The following CUX1 variants were observed in gnomAD, a reference collection of about 807,000 sequenced individuals.
The protein encoded by CUX1 is cut like homeobox 1.
In CUX1, 31 loss-of-function variants were observed where a neutral mutation model predicts 158.8. The observed-to-expected ratio is 0.20, with a 90% CI of 0.15 to 0.26. CUX1 has a LOEUF of 0.26. Ranked by LOEUF, CUX1 falls within the 10% of genes least tolerant of loss-of-function variation. CUX1 has a pLI of 1.00. For synonymous variants in CUX1, 879 were observed against 862.1 expected (o/e 1.02, Z -0.34); for missense variants, 1,589 against 2,014.6 (o/e 0.79, Z 4.04).
intron 1 of CUX1, among the ~76,000 whole-genome samples, chr7:101,915,340 G>A (rs773238679): frequency 2.6e-5 from 4 of 152,212 alleles, no homozygotes; most frequent in East Asian, 1.9e-4. Flanking sequence ...GGTTTGTTGC[G>A]GGGAGCAGAG....
At chr7:101,904,520 G>C (rs1267546078) in intron 1 of CUX1, among the ~76,000 whole-genome samples, 1 of 151,342 alleles carries the variant, frequency 6.6e-6, no homozygotes, top group South Asian at 2.1e-4. Context: ...TGATCTCTCA[G>C]AATCAAGAAA....
intron 2 of CUX1, among the ~76,000 whole-genome samples, chr7:102,012,335 G>A (rs528931076): frequency 2.0e-5 from 3 of 151,798 alleles, no homozygotes; most frequent in African/African-American, 7.2e-5. Flanking sequence ...CTATAGGTGC[G>A]TGCCACCATG....
intron 8 of CUX1, among the ~76,000 whole-genome samples, chr7:102,135,694 G>T (rs1354203599): frequency 1.3e-5 from 2 of 151,958 alleles, no homozygotes; most frequent in Non-Finnish European, 1.5e-5. Flanking sequence ...GTCTTTTCAG[G>T]CCAGGCACGG....
At chr7:102,223,135 G>C (rs1798004246) in intron 20 of CUX1, among the ~76,000 whole-genome samples, 1 of 151,706 alleles carries the variant, frequency 6.6e-6, no homozygotes, top group South Asian at 2.1e-4. Flanking sequence ...GTAAAATGTG[G>C]GAAGTGGCCG....
At chr7:101,940,553 T>G (rs2129137889) in intron 2 of CUX1, among the ~76,000 whole-genome samples, 1 of 152,296 alleles carries the variant, frequency 6.6e-6, no homozygotes, top group East Asian at 1.9e-4. Flanking sequence ...TTTCTTATGT[T>G]GATATATATG....
At chr7:101,887,556 G>A (rs1227893940) in intron 1 of CUX1, among the ~76,000 whole-genome samples, 1 of 152,006 alleles carries the variant, frequency 6.6e-6, no homozygotes, top group Admixed American at 6.6e-5. Flanking sequence ...TGATCCTCCT[G>A]CCTCGGCCTC....
At chr7:102,267,041 G>A (rs1394837304) in intron 14 of CUX1, among the ~76,000 whole-genome samples, 1 of 152,142 alleles carries the variant, frequency 6.6e-6, no homozygotes, top group Admixed American at 6.5e-5. Context: ...ATTGCATAGG[G>A]GTGGGGGCCA....
Position 102,201,415 on chromosome 7 carries a change from C to T in CUX1, c.2118C>T (p.Ile706=). ...ASGSGNSDDA[I]RSILQQARRE... ...GCAGCGGGAACTCTGATGACGCCAT[C>T]CGCTCCATCCTGCAGCAAGCCCGCC... Residue 706 remains isoleucine (I), a synonymous_variant, in exon 18 of 24, where the codon ATC becomes ATT. Transcript: ENST00000292535. The surrounding 1 kb of genome is among the most constrained non-coding windows in gnomAD (Gnocchi z 5.0). The T allele has an allele frequency of 6.2e-7, 1 of 1,614,084 alleles. No homozygotes were observed. Among genetic ancestry groups the T allele is most frequent in the Non-Finnish European group, 8.5e-7 (1 of 1,180,030 alleles).
intron 3 of CUX1, among the ~76,000 whole-genome samples, chr7:102,029,797 G>A (rs1466832236): frequency 4.6e-5 from 7 of 152,136 alleles, no homozygotes; most frequent in East Asian, 1.9e-4. Flanking sequence ...CTCCAAGCCC[G>A]TAGTTGATGA....
chr7:102,027,133 C>T (rs1820132092), intron 2 of CUX1, among the ~76,000 whole-genome samples: 1 of 152,116 alleles, frequency 6.6e-6, no homozygotes. Context: ...GCCTGTAATC[C>T]CAGCACTTTG....
chr7:101,872,027 A>AAG (rs1349368374), intron 1 of CUX1, among the ~76,000 whole-genome samples: 4 of 152,042 alleles, frequency 2.6e-5, no homozygotes, highest in African/African-American at 9.7e-5. Flanking sequence ...CCCCAAAAAA[A>AAG]AAAAAAGAAA....
downstream of CUX1, among the ~76,000 whole-genome samples, chr7:102,261,908 G>A (rs1790427996): frequency 6.6e-6 from 1 of 152,130 alleles, no homozygotes. Flanking sequence ...CTTGAGGCCG[G>A]GAGTTCAAGA....
chr7:102,181,169 G>A (rs1046652816), intron 11 of CUX1, among the ~76,000 whole-genome samples: 2 of 151,856 alleles, frequency 1.3e-5, no homozygotes, highest in Non-Finnish European at 2.9e-5. Flanking sequence ...TCAAATTCCC[G>A]ATCTCAGGTG....
chr7:102,234,277 G>T (rs372302380), intron 22 of CUX1, 37 bp downstream of exon 22: 10 of 1,464,056 alleles, frequency 6.8e-6, no homozygotes, highest in Non-Finnish European at 9.1e-6. Context: ...GGCTGCGTCC[G>T]CATTCATAGA....
At chr7:102,109,271 TC>T (rs1190966483) in intron 6 of CUX1, among the ~76,000 whole-genome samples, 4 of 152,104 alleles carry the variant, frequency 2.6e-5, no homozygotes, top group African/African-American at 9.7e-5. Context: ...AAAGAGGACT[TC>T]TAAATTAATA....
intron 13 of CUX1, among the ~76,000 whole-genome samples, chr7:102,195,265 C>T (rs1794672280): frequency 6.6e-6 from 1 of 152,066 alleles, no homozygotes; most frequent in African/African-American, 2.4e-5. Context: ...TTTTTAGGAG[C>T]TGTGGAAGTC....
At chr7:102,055,262 G>C (rs1468207712) in intron 3 of CUX1, among the ~76,000 whole-genome samples, 2 of 151,666 alleles carry the variant, frequency 1.3e-5, no homozygotes, top group Non-Finnish European at 2.9e-5. Context: ...CATGTAGAAA[G>C]ACAAATGTTT....
At chr7:102,047,546 T>C (rs1402390568) in intron 3 of CUX1, among the ~76,000 whole-genome samples, 1 of 139,528 alleles carries the variant, frequency 7.2e-6, no homozygotes, top group Non-Finnish European at 1.5e-5. Flanking sequence ...GATAACTGGA[T>C]AGAGGGATGG....
rs1426727612 is a variant in CUX1 at position 101,984,113 on chromosome 7, TATATATATATATATATAC to T, written c.142-43983_142-43966del. On this transcript the variant is annotated intron_variant, in intron 2 of 23. Transcript: ENST00000292535. The stretch of plus-strand genomic sequence containing the variant: ...AAATATATATATATATATATATATA[TATATATATATATATATAC>T]ACACACACATATATATATGTGTGTG... Among the ~76,000 whole-genome samples the T allele has an allele frequency of 7.7e-4, 54 of 70,582 alleles. 3 individuals are homozygous for T. Among genetic ancestry groups the T allele is most frequent in the African/African-American group, 2.5e-3 (37 of 15,042 alleles). The allele number at this position is 70,582 out of a possible 152,430, so 46.3% of individuals were successfully genotyped here.
Sources: allele counts gnomAD v4.1 joint callset (sites outside exome capture counted in the v4.1 genomes callset), GRCh38; gene constraint gnomAD v4.1.1; non-coding constraint Gnocchi (gnomAD v3.1); transcripts MANE v1.5; gene names NCBI Gene and HGNC (gene_info 2026-07-23, HGNC 2026-07-21).